The following SRPK1 variants were observed in gnomAD, a reference collection of about 807,000 sequenced individuals.
SRPK1 encodes SRSF protein kinase 1, also known as SFRS protein kinase 1.
Under a neutral mutation model 89.5 loss-of-function variants are expected in SRPK1, and 52 were observed. The ratio of observed to expected loss-of-function variants is 0.58; its 90% CI spans 0.46 to 0.73. The LOEUF (loss-of-function observed/expected upper bound fraction) is 0.73, where lower values mean the gene tolerates loss of function less well. Ranked by LOEUF, SRPK1 falls within the 30% of genes least tolerant of loss-of-function variation. SRPK1 has a pLI of 0.00. For missense variants in SRPK1, 603 were observed against 780.6 expected, an observed-to-expected ratio of 0.77 and a Z score of 2.71; for synonymous variants, 255 against 270.2, an observed-to-expected ratio of 0.94 and a Z score of 0.55.
intron 8 of SRPK1, among the ~76,000 whole-genome samples, chr6:35,871,634 A>G (rs1770037698): frequency 6.6e-6 from 1 of 152,176 alleles, no homozygotes; most frequent in African/African-American, 2.4e-5. Context: ...GAAGTGTATA[A>G]CTAATAACTC....
chr6:35,882,037 GAAGAAC>G (rs1475979899), intron 6 of SRPK1, among the ~76,000 whole-genome samples: 11 of 145,982 alleles, frequency 7.5e-5, no homozygotes, highest in African/African-American at 2.8e-4. Flanking sequence ...CAAAGAGGAA[GAAGAAC>G]AAGAACAATA....
At chr6:35,900,095 T>C (rs886103892) in intron 2 of SRPK1, among the ~76,000 whole-genome samples, 1 of 152,132 alleles carries the variant, frequency 6.6e-6, no homozygotes, top group Non-Finnish European at 1.5e-5. Context: ...AGCAGAGATG[T>C]TGGGGACCAC....
At chr6:35,839,633 C>CG (rs1420719952) in intron 14 of SRPK1, among the ~76,000 whole-genome samples, 3 of 135,602 alleles carry the variant, frequency 2.2e-5, no homozygotes, top group African/African-American at 5.4e-5. Context: ...ATCTACTGCC[C>CG]CCCCCCTTTT....
chr6:35,890,864 T>C (rs1770503730), intron 3 of SRPK1, 31 bp downstream of exon 3: 3 of 1,521,868 alleles, frequency 2.0e-6, no homozygotes, highest in East Asian at 5.0e-5. Flanking sequence ...AGATGGCTCA[T>C]GTCTCACTTC....
At chr6:35,858,800 C>T (rs1769718644) in intron 12 of SRPK1, among the ~76,000 whole-genome samples, 1 of 152,064 alleles carries the variant, frequency 6.6e-6, no homozygotes, top group Admixed American at 6.5e-5. Flanking sequence ...AACAATAAAT[C>T]TCCAGGATGA....
chr6:35,858,926 G>C (rs1299380892), intron 12 of SRPK1, among the ~76,000 whole-genome samples: 2 of 152,138 alleles, frequency 1.3e-5, no homozygotes, highest in Non-Finnish European at 2.9e-5. Context: ...AAAGATAATA[G>C]TAGAAAGAAC....
intron 14 of SRPK1, among the ~76,000 whole-genome samples, chr6:35,839,642 T>C (rs1384690173): frequency 6.6e-6 from 1 of 150,812 alleles, no homozygotes; most frequent in Non-Finnish European, 1.5e-5. Flanking sequence ...CCCCCCCCTT[T>C]TTTTTTTCTC....
intron 12 of SRPK1, among the ~76,000 whole-genome samples, chr6:35,866,671 A>C (rs1653512489): frequency 6.6e-6 from 1 of 152,226 alleles, no homozygotes; most frequent in South Asian, 2.1e-4. Context: ...TAGCAGTACC[A>C]CTGCTGGGTA....
At chr6:35,906,205 CAT>C (rs1214629016) in intron 2 of SRPK1, among the ~76,000 whole-genome samples, 6 of 152,082 alleles carry the variant, frequency 3.9e-5, no homozygotes, top group South Asian at 2.1e-4. Context: ...AATAACCACA[CAT>C]GATACAACAT....
chr6:35,863,277 T>G (rs975328562), intron 12 of SRPK1, among the ~76,000 whole-genome samples: 8 of 151,566 alleles, frequency 5.3e-5, no homozygotes, highest in African/African-American at 1.9e-4. Flanking sequence ...TGAAATATTC[T>G]AGTCAGATAA....
chr6:35,891,156 T>C, intron 2 of SRPK1, 143 bp from the exon 3 acceptor site: 2 of 950,442 alleles, frequency 2.1e-6, no homozygotes, highest in Non-Finnish European at 2.9e-6. Context: ...AAATATTAGC[T>C]GTAGTTTTAC....
chr6:35,856,428 T>TGGCTTGTGGATCCTGA (rs1210965683), intron 13 of SRPK1, among the ~76,000 whole-genome samples: 27 of 152,200 alleles, frequency 1.8e-4, no homozygotes, highest in Admixed American at 6.5e-4. Flanking sequence ...GAAGTGCAGG[T>TGGCTTGTGGATCCTGA]GGCTTGTGGA....
At chr6:35,860,031 T>A (rs1769748052) in intron 12 of SRPK1, among the ~76,000 whole-genome samples, 3 of 151,898 alleles carry the variant, frequency 2.0e-5, no homozygotes. Flanking sequence ...GCTAATATTT[T>A]TTTTTTGTAT....
intron 13 of SRPK1, among the ~76,000 whole-genome samples, chr6:35,847,048 A>T (rs1412363107): frequency 6.6e-6 from 1 of 152,262 alleles, no homozygotes; most frequent in Admixed American, 6.5e-5. Context: ...CTAACATTGT[A>T]CTCAATGGTG....
intron 12 of SRPK1, among the ~76,000 whole-genome samples, chr6:35,861,812 G>C (rs935887825): frequency 6.6e-6 from 1 of 152,194 alleles, no homozygotes; most frequent in Non-Finnish European, 1.5e-5. Flanking sequence ...TGAGTGTACT[G>C]TAACTCCCCA....
At position 35,873,537 on chromosome 6, in the gene SRPK1, T is replaced by A. The variant is rs1770082407; in HGVS notation, c.585+696A>T. Among the ~76,000 whole-genome samples, 2 of 152,054 alleles carry A rather than the reference T, an allele frequency of 1.3e-5. 1 individual carries two copies. Among genetic ancestry groups the A allele is most frequent in the South Asian group, 4.1e-4 (2 of 4,830 alleles). On this transcript the variant is annotated intron_variant, in intron 7 of 15. Coordinates refer to ENST00000373825, the MANE Select transcript of SRPK1 (RefSeq NM_003137.5). ...TGGAGTCTTGCTCTGTCGCCCAGGC[T>A]GGAGCGCGGTGGCGCGATCTCAGCT...
At chr6:35,890,273 C>A (rs1027644001) in intron 3 of SRPK1, among the ~76,000 whole-genome samples, 11 of 152,106 alleles carry the variant, frequency 7.2e-5, no homozygotes, top group South Asian at 4.1e-4. Flanking sequence ...AACAAAAAAA[C>A]CCCCAAAAAA....
At chr6:35,917,032 C>T (rs866738564) in intron 2 of SRPK1, among the ~76,000 whole-genome samples, 1 of 151,934 alleles carries the variant, frequency 6.6e-6, no homozygotes, top group Admixed American at 6.6e-5. Context: ...TGCACTCCAG[C>T]CCGGGTGACA....
intron 13 of SRPK1, among the ~76,000 whole-genome samples, chr6:35,844,619 A>T (rs1378623391): frequency 1.3e-5 from 2 of 152,240 alleles, no homozygotes; most frequent in Non-Finnish European, 2.9e-5. Flanking sequence ...AAATGTCAGC[A>T]GTGCTATGGC....
Sources: gnomAD v4.1 joint callset for allele counts (sites outside exome capture counted in the v4.1 genomes callset) on GRCh38, gnomAD v4.1.1 for gene constraint, MANE v1.5 for transcripts, NCBI Gene and HGNC (gene_info 2026-07-23, HGNC 2026-07-21) for gene names.